DAPK1: variants seen among roughly 807,000 people sequenced by gnomAD.
DAPK1 encodes the protein death associated protein kinase 1.
A neutral mutation model predicts 144.9 loss-of-function variants in DAPK1; 56 were observed. The observed-to-expected ratio is 0.39, with a 90% CI of 0.31 to 0.48. DAPK1 has a LOEUF of 0.48. Ranked by LOEUF, DAPK1 falls within the 20% of genes least tolerant of loss-of-function variation. The pLI is 0.95. For missense variants in DAPK1, 1,454 were observed against 1,875.4 expected (o/e 0.78, Z 4.15); for synonymous variants, 690 against 749.0 (o/e 0.92, Z 1.29).
At chr9:87,635,410 C>A (rs573939980) in intron 3 of DAPK1, among the ~76,000 whole-genome samples, 1 of 152,000 alleles carries the variant, frequency 6.6e-6, no homozygotes, top group African/African-American at 2.4e-5. Flanking sequence ...GAGGTGGGCT[C>A]GGGAGGCCCT....
chr9:87,553,496 C>CTTTTTTTTTTTTTTTT (rs869260287), intron 2 of DAPK1: 2 of 80,450 alleles, frequency 2.5e-5, no homozygotes, highest in African/African-American at 7.5e-5. Context: ...CTTTTCTTTT[C>CTTTTTTTTTTTTTTTT]TTTTTTTTTT....
rs779320904 is a variant in DAPK1, at chr9:87,686,622, G to A, written c.2296G>A (p.Glu766Lys). The change falls in exon 21 of 26, where the codon GAG becomes AAG. Residue 766 changes from glutamate to lysine, a missense_variant. By Grantham distance (56) the Glu-to-Lys change is moderately conservative. Transcript: ENST00000408954. This position sits in a 1 kb window ranked among gnomAD's most constrained non-coding sequence, Gnocchi z 4.2. Reference protein sequence around the residue: ...VSVRSRSMMFEPGLTKGMLEV... With the variant: ...VSVRSRSMMFKPGLTKGMLEV... ...TGTGAGGAGCCGCAGCATGATGTTC[G>A]AGCCGGGTCTTACCAAAGGGATGCT... The A allele has an allele frequency of 6.2e-7, 1 of 1,610,148 alleles. No individual in the cohort carries two copies. The highest frequency in any genetic ancestry group is 8.5e-7 in the Non-Finnish European group (1 of 1,177,484).
chr9:87,653,408 A>C (rs1000436784), intron 17 of DAPK1, among the ~76,000 whole-genome samples: 1 of 152,252 alleles, frequency 6.6e-6, no homozygotes, highest in Admixed American at 6.5e-5. Context: ...TGCATTTTAC[A>C]TGTGACTTTT....
chr9:87,668,395 G>A (rs36216394), intron 18 of DAPK1: 3 of 572,510 alleles, frequency 5.2e-6, no homozygotes, highest in African/African-American at 1.9e-5. Flanking sequence ...TTGTTCCTGC[G>A]TCTTACCTTC....
At chr9:87,597,250 CT>C (rs1828349789) in intron 2 of DAPK1, among the ~76,000 whole-genome samples, 2 of 152,174 alleles carry the variant, frequency 1.3e-5, no homozygotes, top group South Asian at 4.1e-4. Context: ...AGAAAGACAG[CT>C]GAATCCATCT....
intron 2 of DAPK1, among the ~76,000 whole-genome samples, chr9:87,503,522 T>C (rs549720873): frequency 6.6e-6 from 1 of 152,356 alleles, no homozygotes; most frequent in African/African-American, 2.4e-5. Flanking sequence ...GATGATCTGC[T>C]TTCTCCATGG....
rs555898080 is a variant in DAPK1, at chr9:87,556,404, T to G, written c.63-48550T>G. ...CACGTGTGTGTACCTGTACCCACTG[T>G]GCATGCTGCCCGTCACGGGCAAAGG... On this transcript the variant is annotated intron_variant, in intron 2 of 25. Transcript: ENST00000408954. 6.6e-5 allele frequency among the ~76,000 whole-genome samples: 10 copies of G among 152,370 alleles called. 1 individual carries two copies. In the South Asian group the frequency reaches 2.1e-3, roughly 32 times the overall value.
intron 3 of DAPK1, among the ~76,000 whole-genome samples, chr9:87,635,931 G>A (rs9410938): frequency 0.075 from 11,416 of 152,316 alleles, 548 homozygotes; most frequent in Non-Finnish European, 0.11. Context: ...GGAGACCCAG[G>A]TGTGATGGGA....
chr9:87,565,681 C>T (rs1827096580), intron 2 of DAPK1, among the ~76,000 whole-genome samples: 1 of 152,198 alleles, frequency 6.6e-6, no homozygotes, highest in Non-Finnish European at 1.5e-5. Context: ...TGGGCTTGAA[C>T]CCAGACCTAC....
intron 3 of DAPK1, among the ~76,000 whole-genome samples, chr9:87,613,091 T>A (rs975609591): frequency 1.1e-4 from 17 of 152,324 alleles, no homozygotes; most frequent in Admixed American, 6.5e-4. Flanking sequence ...TCTCTCTTTC[T>A]TTGTGACAGG....
At chr9:87,649,243 A>G (rs2119172069) in intron 15 of DAPK1, among the ~76,000 whole-genome samples, 1 of 152,288 alleles carries the variant, frequency 6.6e-6, no homozygotes, top group South Asian at 2.1e-4. Context: ...TTGAACACAC[A>G]CAGTCTGGTT....
intron 2 of DAPK1, among the ~76,000 whole-genome samples, chr9:87,520,863 A>G (rs1243559941): frequency 1.3e-5 from 2 of 152,236 alleles, no homozygotes; most frequent in East Asian, 1.9e-4. Context: ...AAGGGTATAT[A>G]ATACAATTTA....
chr9:87,499,591 A>G (rs1362844689), intron 2 of DAPK1, among the ~76,000 whole-genome samples: 7 of 152,248 alleles, frequency 4.6e-5, no homozygotes, highest in Non-Finnish European at 1.0e-4. Flanking sequence ...AAGTATTGGT[A>G]GGTGGTAAAT....
At chr9:87,641,898 C>T (rs1008013251) in intron 9 of DAPK1, 71 bp from the exon 10 acceptor site, 26 of 1,279,490 alleles carry the variant, frequency 2.0e-5, no homozygotes, top group Non-Finnish European at 2.9e-5. Flanking sequence ...GGAGATGTTT[C>T]AAAAAATTGT....
intron 14 of DAPK1, among the ~76,000 whole-genome samples, chr9:87,647,903 G>GT: frequency 6.6e-6 from 1 of 152,178 alleles, no homozygotes; most frequent in Non-Finnish European, 1.5e-5. Flanking sequence ...AAGATACCTT[G>GT]TTTTCATATG....
At chr9:87,676,289 A>G (rs993276772) in intron 19 of DAPK1, among the ~76,000 whole-genome samples, 5 of 152,122 alleles carry the variant, frequency 3.3e-5, no homozygotes, top group Non-Finnish European at 7.4e-5. Flanking sequence ...CTCCAAATAA[A>G]TCAGTCTTCC....
At chr9:87,520,962 G>T (rs2118236818) in intron 2 of DAPK1, among the ~76,000 whole-genome samples, 1 of 152,210 alleles carries the variant, frequency 6.6e-6, no homozygotes, top group African/African-American at 2.4e-5. Context: ...TTTTTACTGT[G>T]GCCAACCTAT....
At chr9:87,696,404 C>T (rs1004671396) in intron 21 of DAPK1, among the ~76,000 whole-genome samples, 2 of 152,224 alleles carry the variant, frequency 1.3e-5, no homozygotes, top group African/African-American at 2.4e-5. Flanking sequence ...AGTCGATCTG[C>T]ACGTCAGTAG....
Position 87,605,046 on chromosome 9 carries a change from G to T in DAPK1, c.155G>T (p.Ser52Ile), listed in dbSNP as rs1159130810. ...KFIKKRRTKS[S>I]RRGVSREDIE... ...ATCAAGAAAAGGAGGACTAAGTCCA[G>T]CCGGCGGGGTGTGAGCCGCGAGGAC... is the stretch of plus-strand genomic sequence containing the variant. Residue 52 changes from serine (S) to isoleucine (I), a missense_variant, in exon 3 of 26, where the codon AGC (serine) becomes ATC (isoleucine). Coordinates refer to ENST00000408954, the MANE Select transcript of DAPK1 (RefSeq NM_004938.4). 4.3e-6 allele frequency: 7 copies of T among 1,614,124 alleles called. No homozygotes were observed. Among genetic ancestry groups the T allele is most frequent in the African/African-American group, 2.7e-5 (2 of 74,934 alleles).
Sources: gnomAD v4.1 joint callset for allele counts (sites outside exome capture counted in the v4.1 genomes callset) on GRCh38, gnomAD v4.1.1 for gene constraint, Gnocchi (gnomAD v3.1) non-coding constraint, MANE v1.5 for transcripts, NCBI Gene and HGNC (gene_info 2026-07-23, HGNC 2026-07-21) for gene names.